The following RBFOX2 variants were observed in gnomAD, a reference collection of about 807,000 sequenced individuals.
RBFOX2 encodes RNA binding protein fox-1 homolog 2.
In RBFOX2, 10 loss-of-function variants were observed where a neutral mutation model predicts 49.1. The ratio of observed to expected loss-of-function variants is 0.20; its 90% CI spans 0.13 to 0.35. The LOEUF is 0.35. Ranked by LOEUF, RBFOX2 falls within the 10% of genes least tolerant of loss-of-function variation. RBFOX2 has a pLI of 1.00. For synonymous variants in RBFOX2, 183 were observed against 187.4 expected (o/e 0.98, Z 0.19); for missense variants, 323 against 486.9 (o/e 0.66, Z 3.17).
At chr22:35,810,822 C>T (rs193170439) in intron 1 of RBFOX2, among the ~76,000 whole-genome samples, 1 of 152,268 alleles carries the variant, frequency 6.6e-6, no homozygotes, top group East Asian at 1.9e-4. Flanking sequence ...AGATAGTCAA[C>T]ACATATATCC....
intron 1 of RBFOX2, among the ~76,000 whole-genome samples, chr22:35,981,433 G>A (rs1257152148): frequency 2.0e-5 from 3 of 152,138 alleles, no homozygotes; most frequent in Admixed American, 2.0e-4. Context: ...CTTGAGGCCA[G>A]GAGTTCGAGA....
intron 1 of RBFOX2, among the ~76,000 whole-genome samples, chr22:36,016,146 G>A (rs1271545121): frequency 6.6e-6 from 1 of 151,848 alleles, no homozygotes; most frequent in Non-Finnish European, 1.5e-5. Flanking sequence ...ACTCTGGCTG[G>A]CAACAATTAA....
intron 9 of RBFOX2, among the ~76,000 whole-genome samples, chr22:35,757,314 T>C (rs1218440842): frequency 2.0e-5 from 3 of 151,970 alleles, no homozygotes; most frequent in South Asian, 2.1e-4. Flanking sequence ...TACAGACTTA[T>C]ACAGACTTTC....
chr22:35,806,319 G>A (rs1254848452), intron 2 of RBFOX2, among the ~76,000 whole-genome samples: 1 of 151,696 alleles, frequency 6.6e-6, no homozygotes, highest in African/African-American at 2.4e-5. Flanking sequence ...AAAAAACAAC[G>A]TAAGATTGTT....
upstream of RBFOX2, among the ~76,000 whole-genome samples, chr22:35,941,228 T>G (rs549902222): frequency 3.6e-4 from 55 of 152,238 alleles, no homozygotes; most frequent in African/African-American, 1.2e-3. Flanking sequence ...CACAAGTGCC[T>G]TTTGTTTGTT....
At chr22:36,017,427 C>T (rs1020407014) in intron 1 of RBFOX2, among the ~76,000 whole-genome samples, 2 of 151,986 alleles carry the variant, frequency 1.3e-5, no homozygotes, top group African/African-American at 4.8e-5. Context: ...ACTCGGGAGG[C>T]TGAGGTAGGA....
rs527778998 is a variant in RBFOX2 at position 35,771,707 on chromosome 22, G to C, written c.454-3358C>G. On this transcript the variant is annotated intron_variant, in intron 4 of 11. Coordinates refer to ENST00000405409, the Ensembl canonical transcript of RBFOX2. ...GGTGATTTTCCATCAACCCAAACAT[G>C]CTTCCTTATCTATCACATTCACAAT... is the stretch of plus-strand genomic sequence containing the variant. Among the ~76,000 whole-genome samples, 13 of 152,226 alleles carry C rather than the reference G, an allele frequency of 8.5e-5. No individual in the cohort carries two copies. The South Asian group carries it at 2.5e-3, about 29-fold the overall frequency.
At position 35,781,838 on chromosome 22, in the gene RBFOX2, T is replaced by C. The variant is rs971620940; in HGVS notation, c.253-92A>G. The C allele has an allele frequency of 2.6e-6, 4 of 1,517,120 alleles. No homozygotes were observed. The South Asian group carries it at 4.8e-5, about 18-fold the overall frequency. 94.0% of individuals were successfully genotyped at this position (1,517,120 alleles called of 1,614,324 possible). ...ACAGCAATCATCCCCAAACAGGGTA[T>C]GTTTAAGCAAAAATCACAGTAGTCC... is the stretch of plus-strand genomic sequence containing the variant. On this transcript the variant is annotated intron_variant, in intron 2 of 11. Coordinates refer to ENST00000405409, the Ensembl canonical transcript of RBFOX2.
chr22:35,860,061 C>A (rs948414829), intron 1 of RBFOX2, among the ~76,000 whole-genome samples: 2 of 152,162 alleles, frequency 1.3e-5, no homozygotes. Flanking sequence ...ACTCATAATA[C>A]CTTTTTGGTG....
chr22:35,893,277 T>C (rs982253752), intron 1 of RBFOX2, among the ~76,000 whole-genome samples: 1 of 152,136 alleles, frequency 6.6e-6, no homozygotes, highest in Non-Finnish European at 1.5e-5. Context: ...ATCTGGCATG[T>C]AGCATTGGTA....
chr22:35,825,263 T>C (rs2148535538), intron 1 of RBFOX2, among the ~76,000 whole-genome samples: 1 of 152,290 alleles, frequency 6.6e-6, no homozygotes, highest in East Asian at 1.9e-4. Flanking sequence ...TAATCAATTC[T>C]GTGCTTACCC....
At chr22:35,829,858 C>T (rs936902550) in intron 1 of RBFOX2, among the ~76,000 whole-genome samples, 2 of 152,116 alleles carry the variant, frequency 1.3e-5, no homozygotes, top group African/African-American at 2.4e-5. Context: ...GAGTCATGCC[C>T]TTCGTCCTTC....
At chr22:35,815,486 T>A (rs532806313) in intron 1 of RBFOX2, among the ~76,000 whole-genome samples, 1 of 152,214 alleles carries the variant, frequency 6.6e-6, no homozygotes, top group African/African-American at 2.4e-5. Context: ...TTCTCATTTA[T>A]TCCTCAACTT....
intron 1 of RBFOX2, among the ~76,000 whole-genome samples, chr22:35,972,197 A>T (rs2056915954): frequency 6.6e-6 from 1 of 152,124 alleles, no homozygotes; most frequent in Non-Finnish European, 1.5e-5. Flanking sequence ...GGGGTTTTTT[A>T]AATGCTATTT....
chr22:35,831,819 T>C (rs1956857388), intron 1 of RBFOX2, among the ~76,000 whole-genome samples: 1 of 152,210 alleles, frequency 6.6e-6, no homozygotes, highest in South Asian at 2.1e-4. Context: ...GTATCATTTG[T>C]GGACATAAAA....
chr22:35,854,654 A>G (rs557390743), intron 1 of RBFOX2, among the ~76,000 whole-genome samples: 1 of 152,282 alleles, frequency 6.6e-6, no homozygotes, highest in South Asian at 2.1e-4. Context: ...TAGATATATG[A>G]TTAAGATATC....
Position 35,778,008 on chromosome 22 carries a change from A to C in RBFOX2, c.453+17T>G. On this transcript the variant is annotated intron_variant, in intron 4 of 11. Transcript: ENST00000405409. ...CAAAAAGAAATCAAGCACACTTGAC[A>C]CTGAAATGGAGCTTACCTTAGAGCC... is the stretch of plus-strand genomic sequence containing the variant. 2 of 1,596,892 alleles carry C rather than the reference A, an allele frequency of 1.3e-6. No homozygotes were observed. Among genetic ancestry groups the C allele is most frequent in the Non-Finnish European group, 1.7e-6 (2 of 1,170,946 alleles).
chr22:35,996,718 T>C (rs1018655825), intron 1 of RBFOX2: 8 of 151,550 alleles, frequency 5.3e-5, no homozygotes, highest in African/African-American at 1.9e-4. Context: ...CCAGGAAATA[T>C]GAGGCTGCTG....
chr22:35,900,320 C>T (rs956899839), intron 1 of RBFOX2, among the ~76,000 whole-genome samples: 4 of 151,688 alleles, frequency 2.6e-5, no homozygotes, highest in African/African-American at 9.7e-5. Context: ...ACCATGTTGG[C>T]CAGGCTGGCA....
Sources: gnomAD v4.1 joint callset for allele counts (sites outside exome capture counted in the v4.1 genomes callset) on GRCh38, gnomAD v4.1.1 for gene constraint, MANE v1.5 for transcripts, NCBI Gene and HGNC (gene_info 2026-07-23, HGNC 2026-07-21) for gene names.